The following AFG2A variants were observed in gnomAD, a reference collection of about 807,000 sequenced individuals.
The protein encoded by AFG2A is ATPase family gene 2 protein homolog A.
At chr4:123,310,463 T>C in the AFG2A span, among the ~76,000 whole-genome samples, 39 of 152,378 alleles carry the variant, frequency 2.6e-4, no homozygotes, top group African/African-American at 8.9e-4. Context: ...CTTACCTGTA[T>C]GCATGTCTCA....
At chr4:123,299,697 A>C in the AFG2A span, among the ~76,000 whole-genome samples, 6 of 152,218 alleles carry the variant, frequency 3.9e-5, no homozygotes, top group Non-Finnish European at 8.8e-5. Context: ...AAGTTCACTT[A>C]GTTAAAATGG....
At chr4:122,929,495 A>G in the AFG2A span, among the ~76,000 whole-genome samples, 1 of 152,166 alleles carries the variant, frequency 6.6e-6, no homozygotes, top group Non-Finnish European at 1.5e-5. Flanking sequence ...GGAGTTCAAG[A>G]CCAACCTGAG....
chr4:123,003,054 C>T, the AFG2A span, among the ~76,000 whole-genome samples: 1 of 152,124 alleles, frequency 6.6e-6, no homozygotes, highest in South Asian at 2.1e-4. Context: ...TTTCATTCAT[C>T]TCATCTTCCA....
At chr4:122,944,772 T>C in the AFG2A span, among the ~76,000 whole-genome samples, 1 of 152,086 alleles carries the variant, frequency 6.6e-6, no homozygotes, top group Non-Finnish European at 1.5e-5. Flanking sequence ...TGGTTTTATC[T>C]TTGTTTGGTC....
At chr4:123,316,303 A>G in the AFG2A span, 1 of 152,196 alleles carries the variant, frequency 6.6e-6, no homozygotes, top group South Asian at 2.1e-4. Flanking sequence ...AATATTTAAG[A>G]ATTAGTTTAT....
At chr4:123,066,434 T>C in the AFG2A span, among the ~76,000 whole-genome samples, 1 of 152,188 alleles carries the variant, frequency 6.6e-6, no homozygotes, top group South Asian at 2.1e-4. Flanking sequence ...AGAAGTCATC[T>C]AGTACAACCT....
chr4:122,929,211 C>T, the AFG2A span: 2 of 1,552,546 alleles, frequency 1.3e-6, no homozygotes, highest in African/African-American at 1.4e-5. Flanking sequence ...TGGCTCTTTT[C>T]TTTGGTGACT....
At chr4:123,132,839 G>A in the AFG2A span, among the ~76,000 whole-genome samples, 1 of 147,772 alleles carries the variant, frequency 6.8e-6, no homozygotes, top group Non-Finnish European at 1.5e-5. Flanking sequence ...GAAGTGCAGT[G>A]GTGCGATCTT....
At chr4:123,220,613 CAAAAAAA>C in the AFG2A span, among the ~76,000 whole-genome samples, 5 of 41,760 alleles carry the variant, frequency 1.2e-4, no homozygotes, top group East Asian at 2.3e-3. Flanking sequence ...GACTCCAACT[CAAAAAAA>C]AAAAAAAAAA....
the AFG2A span, among the ~76,000 whole-genome samples, chr4:123,135,714 G>T: frequency 6.6e-6 from 1 of 152,072 alleles, no homozygotes; most frequent in African/African-American, 2.4e-5. Context: ...AAAGTATATG[G>T]GATAGGCATA....
At chr4:123,056,298 C>T in the AFG2A span, 1 of 1,254,024 alleles carries the variant, frequency 8.0e-7, no homozygotes, top group African/African-American at 1.5e-5. Flanking sequence ...TTTATTTTCT[C>T]TTTTGTGTAT....
At chr4:122,953,157 T>C in the AFG2A span, among the ~76,000 whole-genome samples, 1 of 152,170 alleles carries the variant, frequency 6.6e-6, no homozygotes, top group Non-Finnish European at 1.5e-5. Flanking sequence ...CTGGTGTCCA[T>C]TTCGCATTCC....
chr4:123,082,871 T>C, the AFG2A span, among the ~76,000 whole-genome samples: 2 of 152,108 alleles, frequency 1.3e-5, no homozygotes, highest in Admixed American at 1.3e-4. Flanking sequence ...TTTTCTCATA[T>C]AGATTTTGTA....
chr4:123,224,660 G>T, the AFG2A span, among the ~76,000 whole-genome samples: 22 of 152,156 alleles, frequency 1.4e-4, no homozygotes, highest in African/African-American at 4.6e-4. Flanking sequence ...GAATAGTGCC[G>T]CAATAAACAT....
the AFG2A span, among the ~76,000 whole-genome samples, chr4:122,963,700 C>T: frequency 6.6e-6 from 1 of 152,126 alleles, no homozygotes; most frequent in Non-Finnish European, 1.5e-5. Flanking sequence ...GAGAGACATT[C>T]TAGTGGTGTC....
chr4:123,257,713 C>G, the AFG2A span, among the ~76,000 whole-genome samples: 1 of 152,242 alleles, frequency 6.6e-6, no homozygotes, highest in East Asian at 1.9e-4. Context: ...GGGCTGGCAT[C>G]TTGTATGATG....
chr4:123,026,548 T>C, the AFG2A span, among the ~76,000 whole-genome samples: 7 of 152,190 alleles, frequency 4.6e-5, no homozygotes, highest in Non-Finnish European at 1.0e-4. Flanking sequence ...GTTATATGGA[T>C]TATTTGTACA....
At chr4:122,990,375 T>C in the AFG2A span, among the ~76,000 whole-genome samples, 1 of 152,248 alleles carries the variant, frequency 6.6e-6, no homozygotes, top group Non-Finnish European at 1.5e-5. Context: ...ATTAGAATTA[T>C]TTGAAAACTT....
chr4:123,313,948 CTCA>C, the AFG2A span: 1 of 1,612,804 alleles, frequency 6.2e-7, no homozygotes, highest in Admixed American at 1.7e-5. Flanking sequence ...TCAAGCCAAT[CTCA>C]TCATGAAAAG....
Sources: allele counts gnomAD v4.1 joint callset (sites outside exome capture counted in the v4.1 genomes callset), GRCh38; gene constraint gnomAD v4.1.1; transcripts MANE v1.5; gene names NCBI Gene and HGNC (gene_info 2026-07-23, HGNC 2026-07-21).